The following CHD6 variants were observed in gnomAD, a reference collection of about 807,000 sequenced individuals.
The protein encoded by CHD6 is ATP-dependent chromatin remodeler CHD6.
In CHD6, 50 loss-of-function variants were observed where a neutral mutation model predicts 276.9. The ratio of observed to expected loss-of-function variants is 0.18; its 90% CI spans 0.14 to 0.23. The LOEUF is 0.23. Ranked by LOEUF, CHD6 falls within the 10% of genes least tolerant of loss-of-function variation. The pLI is 1.00. For synonymous variants in CHD6, 1,173 were observed against 1,229.3 expected (o/e 0.95, Z 0.96); for missense variants, 2,564 against 3,365.8 (o/e 0.76, Z 5.89).
chr20:41,451,570 T>G (rs1440500646), intron 22 of CHD6, among the ~76,000 whole-genome samples: 1 of 152,102 alleles, frequency 6.6e-6, no homozygotes, highest in African/African-American at 2.4e-5. Flanking sequence ...GGAGTCTGTG[T>G]GAGACTCAGG....
Position 41,403,905 on chromosome 20 carries a change from A to T in CHD6, c.*688T>A, listed in dbSNP as rs191893016. On this transcript the variant is annotated 3_prime_UTR_variant, in exon 37 of 37. Transcript: ENST00000373233. ...AGCAAGAGGAATCTTTTCACTGGTGAGAGGGATGTATAGAAAATAATGCCT... is the reference window on the plus strand; with the variant it reads ...AGCAAGAGGAATCTTTTCACTGGTGTGAGGGATGTATAGAAAATAATGCCT... 60 of 1,055,782 alleles carry T rather than the reference A, an allele frequency of 5.7e-5. No homozygotes were observed. The East Asian group carries it at 2.3e-3, about 41-fold the overall frequency. 65.4% of individuals were successfully genotyped at this position (1,055,782 alleles called of 1,614,324 possible). A position where few individuals can be genotyped will look rare whatever the true frequency, so the allele number is the denominator to read the frequency against.
intron 1 of CHD6, among the ~76,000 whole-genome samples, chr20:41,578,634 C>T (rs938090947): frequency 1.4e-5 from 2 of 146,694 alleles, no homozygotes; most frequent in African/African-American, 5.1e-5. Flanking sequence ...GAGCCGAGAT[C>T]GCACCACCAC....
chr20:41,418,602 T>A (rs933990408), intron 31 of CHD6, among the ~76,000 whole-genome samples: 5 of 151,932 alleles, frequency 3.3e-5, no homozygotes, highest in African/African-American at 7.3e-5. Context: ...TTTTTTTTTT[T>A]AAAAGCAAAA....
At chr20:41,588,022 A>C (rs2045614870) in intron 1 of CHD6, among the ~76,000 whole-genome samples, 1 of 152,052 alleles carries the variant, frequency 6.6e-6, no homozygotes, top group Non-Finnish European at 1.5e-5. Flanking sequence ...TGTATAAGCA[A>C]GCAGAAGCTA....
At chr20:41,522,693 T>A (rs947238310) in intron 3 of CHD6, among the ~76,000 whole-genome samples, 1 of 151,822 alleles carries the variant, frequency 6.6e-6, no homozygotes, top group African/African-American at 2.4e-5. Context: ...TTTATTGAAA[T>A]AAGTTTATAA....
chr20:41,589,024 C>T lies in CHD6; in HGVS notation c.-24+29316G>A, dbSNP rs186493614. ...CATCAAAAAGCTTATCCACCATGATCAAGTGGGCTTCATCCCTGGGATGCA... is the reference window on the plus strand; with the variant it reads ...CATCAAAAAGCTTATCCACCATGATTAAGTGGGCTTCATCCCTGGGATGCA... On this transcript the variant is annotated intron_variant, in intron 1 of 36. Transcript: ENST00000373233. Among the ~76,000 whole-genome samples the T allele has an allele frequency of 3.1e-4, 47 of 152,272 alleles. No individual in the cohort carries two copies. The East Asian group carries it at 5.8e-3, about 19-fold the overall frequency.
intron 31 of CHD6, 63 bp downstream of exon 31, chr20:41,420,445 C>A: frequency 1.3e-6 from 2 of 1,518,450 alleles, no homozygotes; most frequent in Non-Finnish European, 1.8e-6. Context: ...TCCCCTAAAA[C>A]CCAACCCCCC....
At chr20:41,476,767 T>G (rs1387151328) in intron 16 of CHD6, among the ~76,000 whole-genome samples, 3 of 151,592 alleles carry the variant, frequency 2.0e-5, no homozygotes, top group African/African-American at 4.9e-5. Context: ...TTCTTTGATT[T>G]TGCAAAGATG....
At chr20:41,529,571 G>A (rs1372760373) in intron 3 of CHD6, among the ~76,000 whole-genome samples, 1 of 152,138 alleles carries the variant, frequency 6.6e-6, no homozygotes. Flanking sequence ...TCTGAACTGA[G>A]ACTTGCACTC....
Position 41,453,578 on chromosome 20 carries a change from T to C in CHD6, c.3121-636A>G, listed in dbSNP as rs1262062808. Reference sequence around the variant, plus strand: ...TCTTCCCCAAGCCAGGCCAGCCTCCTGACTACTCCTCCACACAGCCCAGAT... The same window carrying C: ...TCTTCCCCAAGCCAGGCCAGCCTCCCGACTACTCCTCCACACAGCCCAGAT... On this transcript the variant is annotated intron_variant, in intron 20 of 36. Transcript: ENST00000373233. 2.6e-5 allele frequency among the ~76,000 whole-genome samples: 4 copies of C among 152,134 alleles called. No individual in the cohort carries two copies. In the East Asian group the frequency reaches 5.8e-4, roughly 22 times the overall value.
chr20:41,544,113 G>A (rs1568691652), intron 2 of CHD6, among the ~76,000 whole-genome samples: 2 of 152,216 alleles, frequency 1.3e-5, no homozygotes, highest in East Asian at 1.9e-4. Flanking sequence ...GGTGGCGGGC[G>A]CCTGTAATCC....
intron 8 of CHD6, 112 bp downstream of exon 8, chr20:41,497,272 G>T: frequency 1.3e-6 from 1 of 750,520 alleles, no homozygotes. Flanking sequence ...TTATCAATTT[G>T]ACTTGAGCAA....
chr20:41,594,728 TC>T lies in CHD6; in HGVS notation c.-24+23611del, dbSNP rs1016858795. ...AATCTCTGACTCTGTAAACAACCCT[TC>T]CCAACTAGTTGGTAATGGACAGCCT... is the stretch of plus-strand genomic sequence containing the variant. On this transcript the variant is annotated intron_variant, in intron 1 of 36. Coordinates refer to ENST00000373233, the MANE Select transcript of CHD6 (RefSeq NM_032221.5). Among the ~76,000 whole-genome samples the T allele has an allele frequency of 2.0e-4, 30 of 152,298 alleles. 1 individual carries two copies. The highest frequency in any genetic ancestry group is 7.2e-4 in the African/African-American group (30 of 41,558).
chr20:41,577,924 A>C (rs1292286698), intron 1 of CHD6, among the ~76,000 whole-genome samples: 1 of 152,192 alleles, frequency 6.6e-6, no homozygotes, highest in Non-Finnish European at 1.5e-5. Context: ...ACAATCATAT[A>C]AGGATTAAAT....
chr20:41,460,311 T>A (rs192588186), intron 17 of CHD6, among the ~76,000 whole-genome samples: 1 of 152,266 alleles, frequency 6.6e-6, no homozygotes, highest in Admixed American at 6.5e-5. Context: ...GGGGAGAAAT[T>A]CAAGCTGGCT....
At chr20:41,564,261 G>A (rs1377311570) in intron 1 of CHD6, 5 of 570,476 alleles carry the variant, frequency 8.8e-6, no homozygotes, top group Non-Finnish European at 1.6e-5. Flanking sequence ...TTCTCTTCCC[G>A]TTTTCCAAAA....
chr20:41,423,222 G>A (rs1487853096), intron 30 of CHD6, among the ~76,000 whole-genome samples: 1 of 152,140 alleles, frequency 6.6e-6, no homozygotes, highest in Non-Finnish European at 1.5e-5. Flanking sequence ...CTTATACTTT[G>A]GAGAAAGTGG....
chr20:41,560,357 C>A (rs535612688), intron 1 of CHD6, among the ~76,000 whole-genome samples: 1 of 152,340 alleles, frequency 6.6e-6, no homozygotes, highest in South Asian at 2.1e-4. Flanking sequence ...GGTTCCGACT[C>A]CTGCCCTGCT....
chr20:41,495,786 G>A (rs1206725636), intron 8 of CHD6, among the ~76,000 whole-genome samples: 2 of 152,088 alleles, frequency 1.3e-5, no homozygotes, highest in East Asian at 1.9e-4. Context: ...AGCTTAAAAC[G>A]GCAAGAAAAC....
Sources: gnomAD v4.1 joint callset for allele counts (sites outside exome capture counted in the v4.1 genomes callset) on GRCh38, gnomAD v4.1.1 for gene constraint, MANE v1.5 for transcripts, NCBI Gene and HGNC (gene_info 2026-07-23, HGNC 2026-07-21) for gene names.